The following BTBD8 variants were observed in gnomAD, a reference collection of about 807,000 sequenced individuals.
BTBD8 encodes BTB/POZ domain-containing protein 8.
Under a neutral mutation model 162.9 loss-of-function variants are expected in BTBD8, and 110 were observed. The observed-to-expected ratio is 0.68, with a 90% CI of 0.58 to 0.79. The LOEUF is 0.79. BTBD8 is among the 30% of genes least tolerant of loss of function. The pLI is 0.00. For missense variants in BTBD8, 1,905 were observed against 2,085.4 expected, an observed-to-expected ratio of 0.91 and a Z score of 1.68; for synonymous variants, 667 against 716.1, an observed-to-expected ratio of 0.93 and a Z score of 1.10.
chr1:92,176,353 T>A (rs572862911), intron 13 of BTBD8, among the ~76,000 whole-genome samples: 2 of 152,190 alleles, frequency 1.3e-5, no homozygotes, highest in Non-Finnish European at 2.9e-5. Context: ...ACATACCTAC[T>A]TTAATCCTCA....
chr1:92,154,868 TTTC>T (rs1650124138), intron 9 of BTBD8, among the ~76,000 whole-genome samples: 1 of 152,208 alleles, frequency 6.6e-6, no homozygotes, highest in Admixed American at 6.5e-5. Flanking sequence ...GTCATGAAGC[TTTC>T]TTCTAGGAGT....
At chr1:92,129,819 A>G in intron 5 of BTBD8, 43 bp downstream of exon 5, 2 of 1,502,646 alleles carry the variant, frequency 1.3e-6, no homozygotes, top group South Asian at 1.1e-5. Flanking sequence ...AAATGATTGT[A>G]AATTGTATTT....
At chr1:92,122,400 A>G (rs1040513695) in intron 4 of BTBD8, among the ~76,000 whole-genome samples, 1 of 151,836 alleles carries the variant, frequency 6.6e-6, no homozygotes, top group African/African-American at 2.4e-5. Flanking sequence ...CTGGGACTAC[A>G]GGTTTGTGCC....
intron 2 of BTBD8, 35 bp downstream of exon 2, chr1:92,088,930 G>A (rs1648228992): frequency 4.0e-6 from 6 of 1,482,416 alleles, no homozygotes; most frequent in Non-Finnish European, 5.5e-6. Context: ...AGTCTAATAT[G>A]TAATTGCTTA....
chr1:92,159,388 G>T (rs1357962879), intron 9 of BTBD8, among the ~76,000 whole-genome samples: 3 of 151,874 alleles, frequency 2.0e-5, no homozygotes, highest in Non-Finnish European at 4.4e-5. Context: ...TATTGCTCAG[G>T]CTGGTCTCGA....
Position 92,177,272 on chromosome 1 carries a change from CA to C in BTBD8, c.2081del (p.Lys694ArgfsTer7). On this transcript the variant is annotated frameshift_variant, in exon 14 of 18. Transcript: ENST00000636805. LOFTEE classifies it high-confidence loss of function. ...AAGGGCAAATTTCAGGTGCCAGACC[CA>C]AGGTACTCACAGGAAACTTAAATGT... ...QEGQISGARPKVLTGNLNVQA... is the reference protein window; with the variant it reads ...QEGQISGARPXVLTGNLNVQA... 1 of 1,551,980 alleles carries C rather than the reference CA, an allele frequency of 6.4e-7. No individual in the cohort carries two copies. The highest frequency in any genetic ancestry group is 8.7e-7 in the Non-Finnish European group (1 of 1,147,060).
chr1:92,182,581 T>C lies in BTBD8; in HGVS notation c.4898T>C (p.Ile1633Thr). The change falls in exon 17 of 18, where the codon ATT becomes ACT. Residue 1633 changes from isoleucine (I) to threonine (T), a missense_variant. Physicochemically the swap from Ile to Thr is moderately conservative, Grantham distance 89 (BLOSUM62 -1). Coordinates refer to ENST00000636805, the MANE Select transcript of BTBD8 (RefSeq NM_001376131.1). ...TCTACAACTACTGAAAAAGCTAATA[T>C]TGCTTTATCTGCAGGTAATGTACAG... ...SHSTTTEKAN[I>T]ALSAGDIDDC... 6.7e-7 allele frequency: 1 copy of C among 1,489,532 alleles called. No individual in the cohort carries two copies. Among genetic ancestry groups the C allele is most frequent in the Non-Finnish European group, 8.9e-7 (1 of 1,123,240 alleles). 92.3% of individuals were successfully genotyped at this position (1,489,532 alleles called of 1,614,324 possible).
chr1:92,081,779 G>A (rs1332218634), intron 1 of BTBD8, among the ~76,000 whole-genome samples: 1 of 152,100 alleles, frequency 6.6e-6, no homozygotes, highest in Non-Finnish European at 1.5e-5. Flanking sequence ...TCATCATGTT[G>A]GCCAGGCTAG....
intron 4 of BTBD8, among the ~76,000 whole-genome samples, chr1:92,109,258 T>C (rs1295559978): frequency 7.9e-5 from 12 of 151,990 alleles, no homozygotes; most frequent in Non-Finnish European, 1.5e-4. Flanking sequence ...TTTTCTTTTT[T>C]TTTTTTTTTA....
intron 2 of BTBD8, 74 bp downstream of exon 2, chr1:92,088,969 T>C: frequency 1.6e-6 from 2 of 1,264,566 alleles, no homozygotes; most frequent in African/African-American, 1.5e-5. Flanking sequence ...TTATTTAATA[T>C]ATTTTCATAT....
intron 17 of BTBD8, 78 bp from the exon 18 acceptor site, chr1:92,183,783 TATA>T: frequency 2.5e-6 from 2 of 788,460 alleles, no homozygotes; most frequent in South Asian, 2.3e-5. Flanking sequence ...CTATCACTGT[TATA>T]TTGTGTTAAT....
chr1:92,145,626 A>G (rs1649891510), intron 7 of BTBD8, among the ~76,000 whole-genome samples: 1 of 152,346 alleles, frequency 6.6e-6, no homozygotes, highest in South Asian at 2.1e-4. Context: ...AGTTGTTTTC[A>G]CTACTTGTAT....
At chr1:92,159,303 T>C (rs1437452877) in intron 9 of BTBD8, among the ~76,000 whole-genome samples, 1 of 152,050 alleles carries the variant, frequency 6.6e-6, no homozygotes, top group African/African-American at 2.4e-5. Context: ...GCCTCCCAAG[T>C]AGCTGGGACT....
At chr1:92,123,963 C>T (rs559443144) in intron 4 of BTBD8, among the ~76,000 whole-genome samples, 1 of 151,914 alleles carries the variant, frequency 6.6e-6, no homozygotes, top group Non-Finnish European at 1.5e-5. Flanking sequence ...TGTCTATTTC[C>T]TGTTCACTCT....
chr1:92,177,922 A>T, intron 15 of BTBD8, 24 bp downstream of exon 15: 1 of 1,217,270 alleles, frequency 8.2e-7, no homozygotes, highest in Non-Finnish European at 1.2e-6. Context: ...CAGTGTTTTA[A>T]CCTATCTGTT....
At chr1:92,114,514 C>T (rs1648983720) in intron 4 of BTBD8, among the ~76,000 whole-genome samples, 1 of 152,092 alleles carries the variant, frequency 6.6e-6, no homozygotes, top group Non-Finnish European at 1.5e-5. Context: ...CGGCAGCACA[C>T]ATAATTTTTT....
At chr1:92,151,548 T>G (rs929932445) in intron 9 of BTBD8, among the ~76,000 whole-genome samples, 12 of 152,124 alleles carry the variant, frequency 7.9e-5, no homozygotes, top group Non-Finnish European at 1.6e-4. Context: ...TTTTTTTAAA[T>G]TATTTTTTTT....
intron 5 of BTBD8, 144 bp from the exon 6 acceptor site, chr1:92,139,206 C>A: frequency 1.3e-6 from 1 of 763,966 alleles, no homozygotes; most frequent in Non-Finnish European, 2.0e-6. Context: ...GGTATACCTG[C>A]ATGGATGTTA....
intron 4 of BTBD8, among the ~76,000 whole-genome samples, chr1:92,110,504 T>A (rs947458436): frequency 1.3e-5 from 2 of 152,210 alleles, no homozygotes; most frequent in African/African-American, 4.8e-5. Context: ...TTTCTGAATA[T>A]TGTATCCTGG....
Sources: gnomAD v4.1 joint callset for allele counts (sites outside exome capture counted in the v4.1 genomes callset) on GRCh38, gnomAD v4.1.1 for gene constraint, MANE v1.5 for transcripts, NCBI Gene and HGNC (gene_info 2026-07-23, HGNC 2026-07-21) for gene names.